The following RORC variants were observed in gnomAD, a reference collection of about 807,000 sequenced individuals.
RORC encodes the protein nuclear receptor ROR-gamma.
Under a neutral mutation model 64.5 loss-of-function variants are expected in RORC, and 13 were observed. The observed-to-expected ratio is 0.20, with a 90% CI of 0.13 to 0.32. The LOEUF (loss-of-function observed/expected upper bound fraction) is 0.32, where lower values mean the gene tolerates loss of function less well. Among genes scored for constraint, RORC ranks in the 10% least tolerant of loss-of-function variants. The pLI is 1.00. For synonymous variants in RORC, 277 were observed against 259.3 expected (o/e 1.07, Z -0.65); for missense variants, 468 against 669.5 (o/e 0.70, Z 3.32).
intron 7 of RORC, 53 bp downstream of exon 7, chr1:151,813,435 T>G (rs1039893851): frequency 7.4e-6 from 12 of 1,611,456 alleles, no homozygotes; most frequent in Non-Finnish European, 1.0e-5. Flanking sequence ...GCCACCTCCC[T>G]CCACTTGGCT....
intron 8 of RORC, 86 bp from the exon 9 acceptor site, chr1:151,813,143 G>A: frequency 1.4e-6 from 2 of 1,447,286 alleles, no homozygotes; most frequent in South Asian, 1.2e-5. Context: ...TAGAGCAGAG[G>A]GGGCAATTCG....
intron 2 of RORC, among the ~76,000 whole-genome samples, chr1:151,823,942 C>A (rs180875798): frequency 5.2e-4 from 79 of 152,328 alleles, no homozygotes; most frequent in African/African-American, 1.8e-3. Flanking sequence ...CACCTCCATG[C>A]GTTTGGCTCT....
chr1:151,831,622 C>T, intron 1 of RORC, 103 bp downstream of exon 1: 1 of 1,601,428 alleles, frequency 6.2e-7, no homozygotes, highest in South Asian at 1.1e-5. Flanking sequence ...ACTCTTGTCC[C>T]TCCCTCCCCT....
At chr1:151,824,558 T>C (rs1652117918) in intron 2 of RORC, among the ~76,000 whole-genome samples, 1 of 152,194 alleles carries the variant, frequency 6.6e-6, no homozygotes, top group South Asian at 2.1e-4. Context: ...CAGCCCTCCT[T>C]ATCCACCCCA....
intron 2 of RORC, among the ~76,000 whole-genome samples, chr1:151,825,165 G>C (rs1423201455): frequency 6.6e-6 from 1 of 152,178 alleles, no homozygotes; most frequent in Non-Finnish European, 1.5e-5. Context: ...TCCAAGCCAG[G>C]AAAAGGGTGA....
intron 6 of RORC, 71 bp downstream of exon 6, chr1:151,814,503 C>T: frequency 6.6e-7 from 1 of 1,524,852 alleles, no homozygotes; most frequent in Admixed American, 1.9e-5. Flanking sequence ...CAGTCGTGCG[C>T]AGGTAGCCAT....
intron 2 of RORC, among the ~76,000 whole-genome samples, chr1:151,821,818 T>G (rs1652003727): frequency 6.6e-6 from 1 of 152,144 alleles, no homozygotes; most frequent in South Asian, 2.1e-4. Context: ...AGGAACAGAA[T>G]TCACAGAGGA....
chr1:151,829,805 C>G (rs975653913), intron 1 of RORC, among the ~76,000 whole-genome samples: 1 of 152,226 alleles, frequency 6.6e-6, no homozygotes, highest in Non-Finnish European at 1.5e-5. Context: ...GCCACACACA[C>G]CCCCTTCCCC....
rs745668299 is a variant in RORC, at chr1:151,808,083, T to C, written c.1396-450A>G. Among the ~76,000 whole-genome samples the C allele has an allele frequency of 1.8e-4, 28 of 152,196 alleles. 1 individual carries two copies. Among genetic ancestry groups the C allele is most frequent in the Admixed American group, 3.3e-4 (5 of 15,286 alleles). On this transcript the variant is annotated intron_variant, in intron 10 of 10. Transcript: ENST00000318247. ...TGCCTCCCATCTGGATTAAGGGCCC[T>C]TCTTTTGGGCTTTCCTCTGTGTAGC...
At chr1:151,809,645 C>G (rs960291801) in intron 10 of RORC, among the ~76,000 whole-genome samples, 3 of 152,096 alleles carry the variant, frequency 2.0e-5, no homozygotes, top group Admixed American at 6.5e-5. Flanking sequence ...AAAGCAGATC[C>G]AACCGGATGT....
At chr1:151,809,324 G>C (rs1323106360) in intron 10 of RORC, among the ~76,000 whole-genome samples, 3 of 151,754 alleles carry the variant, frequency 2.0e-5, no homozygotes, top group African/African-American at 7.3e-5. Context: ...AACCTGGGAG[G>C]TGGAGGTTGC....
rs1651327475 is a variant in RORC, at chr1:151,806,712, C to T, written c.*760G>A. On this transcript the variant is annotated 3_prime_UTR_variant, in exon 11 of 11. Transcript: ENST00000318247. The stretch of plus-strand genomic sequence containing the variant: ...GTTTCACCTGTGTATGGATATGTGT[C>T]TCTGATCAGATTTGTGCCAGCCCCT... 6.6e-6 allele frequency: 1 copy of T among 152,190 alleles called. No individual in the cohort carries two copies. Among genetic ancestry groups the T allele is most frequent in the Admixed American group, 6.5e-5 (1 of 15,282 alleles). The allele number at this position is 152,190 out of a possible 1,614,324, so 9.4% of individuals were successfully genotyped here. A position where few individuals can be genotyped will look rare whatever the true frequency, so the allele number is the denominator to read the frequency against.
chr1:151,822,695 C>T (rs888008479), intron 2 of RORC, among the ~76,000 whole-genome samples: 3 of 152,224 alleles, frequency 2.0e-5, no homozygotes, highest in African/African-American at 7.2e-5. Context: ...TCCCAGAGCA[C>T]CTTCACTGCT....
chr1:151,810,761 G>C (rs888656119), intron 10 of RORC, among the ~76,000 whole-genome samples: 1 of 152,138 alleles, frequency 6.6e-6, no homozygotes, highest in East Asian at 1.9e-4. Context: ...TCGAACTCCT[G>C]ACCTCAGGTG....
At chr1:151,829,174 A>G (rs567637670) in intron 2 of RORC, among the ~76,000 whole-genome samples, 1 of 150,650 alleles carries the variant, frequency 6.6e-6, no homozygotes, top group African/African-American at 2.5e-5. Context: ...TTTTTTCACA[A>G]GGCGGTTCCC....
rs1251331426 is a variant in RORC at position 151,815,202 on chromosome 1, A to G, written c.522T>C (p.Pro174=). The G allele has an allele frequency of 1.2e-6, 2 of 1,614,012 alleles. No individual in the cohort carries two copies. Among genetic ancestry groups the G allele is most frequent in the South Asian group, 1.1e-5 (1 of 91,074 alleles). ...PDLPEASACP[P]GLLKASGSGP... Reference sequence around the variant, plus strand: ...CAGAGCCTGAGGCTTTCAGGAGGCCAGGGGGACAGGCAGAAGCCTCAGGCA... The same window carrying G: ...CAGAGCCTGAGGCTTTCAGGAGGCCGGGGGGACAGGCAGAAGCCTCAGGCA... Residue 174 remains proline (P), a synonymous_variant, in exon 5 of 11, where the codon CCT becomes CCC. Coordinates refer to ENST00000318247, the MANE Select transcript of RORC (RefSeq NM_005060.4).
Position 151,815,349 on chromosome 1 carries a change from C to G in RORC, c.375G>C (p.Arg125=), listed in dbSNP as rs1246595878. 3 of 1,587,960 alleles carry G rather than the reference C, an allele frequency of 1.9e-6. No individual in the cohort carries two copies. The highest frequency in any genetic ancestry group is 2.6e-6 in the Non-Finnish European group (3 of 1,166,862). ...HAEVQKQLQQ[R]QQQQQEPVVK... ...CCACTGGTTCCTGTTGCTGCTGTTG[C>G]CGCTGCTGCAGCTGTTTCTGCACTT... The change falls in exon 5 of 11, where the codon CGG becomes CGC. Residue 125 remains arginine (R), a synonymous_variant. Transcript: ENST00000318247.
intron 8 of RORC, 70 bp downstream of exon 8, chr1:151,813,169 G>T: frequency 6.6e-7 from 1 of 1,506,758 alleles, no homozygotes; most frequent in Non-Finnish European, 9.2e-7. Context: ...AAAAGAGGGT[G>T]CCCTGGGTCA....
intron 10 of RORC, among the ~76,000 whole-genome samples, chr1:151,810,053 T>C (rs1057340859): frequency 6.6e-6 from 1 of 152,146 alleles, no homozygotes; most frequent in East Asian, 1.9e-4. Context: ...AGTGAGGATG[T>C]ACCATGAGTG....
Sources: gnomAD v4.1 joint callset for allele counts (sites outside exome capture counted in the v4.1 genomes callset) on GRCh38, gnomAD v4.1.1 for gene constraint, MANE v1.5 for transcripts, NCBI Gene and HGNC (gene_info 2026-07-23, HGNC 2026-07-21) for gene names.